The following SHROOM3 variants were observed in gnomAD, a reference collection of about 807,000 sequenced individuals.
The protein encoded by SHROOM3 is shroom family member 3.
SHROOM3 carries 47 observed loss-of-function variants against 138.6 expected under a neutral mutation model. The ratio of observed to expected loss-of-function variants is 0.34; its 90% CI spans 0.27 to 0.43. SHROOM3 has a LOEUF of 0.43. SHROOM3 is among the 20% of genes least tolerant of loss of function. The pLI, the probability that SHROOM3 is intolerant of heterozygous loss-of-function variation, is 1.00. For synonymous variants in SHROOM3, 1,062 were observed against 1,063.3 expected (o/e 1.00, Z 0.02); for missense variants, 2,491 against 2,596.5 (o/e 0.96, Z 0.88).
At chr4:76,500,092 C>A (rs1333463152) in intron 1 of SHROOM3, among the ~76,000 whole-genome samples, 1 of 152,190 alleles carries the variant, frequency 6.6e-6, no homozygotes, top group African/African-American at 2.4e-5. Flanking sequence ...TTCAGGTCAT[C>A]TGACTTCAGA....
intron 2 of SHROOM3, among the ~76,000 whole-genome samples, chr4:76,617,130 A>C (rs1201629043): frequency 6.6e-6 from 1 of 152,238 alleles, no homozygotes; most frequent in East Asian, 1.9e-4. Flanking sequence ...CAGGGCCAGA[A>C]TCCTGGGTTC....
intron 2 of SHROOM3, among the ~76,000 whole-genome samples, chr4:76,606,452 G>A (rs1734624541): frequency 6.6e-6 from 1 of 150,614 alleles, no homozygotes; most frequent in Non-Finnish European, 1.5e-5. Context: ...GCTCACACCT[G>A]TAATCCCAGC....
chr4:76,646,136 G>T (rs1735808939), intron 2 of SHROOM3, among the ~76,000 whole-genome samples: 1 of 150,332 alleles, frequency 6.7e-6, no homozygotes, highest in South Asian at 2.1e-4. Context: ...GAGTTAACGG[G>T]TGCAGCACAC....
intron 3 of SHROOM3, among the ~76,000 whole-genome samples, chr4:76,718,679 C>T (rs1026870047): frequency 6.6e-6 from 1 of 152,058 alleles, no homozygotes; most frequent in African/African-American, 2.4e-5. Context: ...AGACTTACTC[C>T]AAAAGAGAAT....
intron 4 of SHROOM3, among the ~76,000 whole-genome samples, chr4:76,734,660 G>A (rs1212046482): frequency 1.3e-5 from 2 of 151,964 alleles, no homozygotes; most frequent in Non-Finnish European, 2.9e-5. Flanking sequence ...ACAGGCGTGA[G>A]CCACCGTACC....
At chr4:76,714,900 A>T (rs1720328251) in intron 3 of SHROOM3, among the ~76,000 whole-genome samples, 1 of 151,998 alleles carries the variant, frequency 6.6e-6, no homozygotes, top group South Asian at 2.1e-4. Context: ...GTTCAAATGG[A>T]TCTAGTTTTG....
At chr4:76,728,016 A>G (rs552357236) in intron 3 of SHROOM3, among the ~76,000 whole-genome samples, 27 of 152,072 alleles carry the variant, frequency 1.8e-4, no homozygotes, top group Middle Eastern at 6.8e-3. Flanking sequence ...TGCAAGAAAA[A>G]TAATAATTAG....
At position 76,754,789 on chromosome 4, in the gene SHROOM3, G is replaced by A. The variant is rs765961751; in HGVS notation, c.4306G>A (p.Ala1436Thr). 9.9e-6 allele frequency: 16 copies of A among 1,614,048 alleles called. No individual in the cohort carries two copies. The highest frequency in any genetic ancestry group is 1.6e-4 in the Middle Eastern group (1 of 6,084). Residue 1436 changes from alanine (A) to threonine (T), a missense_variant, in exon 7 of 11, where the codon GCA becomes ACA. Ala to Thr is a moderately conservative substitution (Grantham distance 58, BLOSUM62 0). Transcript: ENST00000296043. ...PPPSRAKWAH[A>T]AREDSLPEES... ...TCCTTCTCGAGCAAAGTGGGCCCAC[G>A]CAGCCAGAGAGGACAGCCTTCCTGA...
chr4:76,757,724 A>G (rs1178402536), intron 8 of SHROOM3, among the ~76,000 whole-genome samples: 1 of 152,144 alleles, frequency 6.6e-6, no homozygotes, highest in Non-Finnish European at 1.5e-5. Flanking sequence ...CAGCCATGTA[A>G]CACGTGTCCC....
intron 2 of SHROOM3, among the ~76,000 whole-genome samples, chr4:76,667,966 C>CAAAAAA (rs747974205): frequency 0.028 from 1,741 of 62,446 alleles, 184 homozygotes; most frequent in Middle Eastern, 0.057. Context: ...GACTCCCTCT[C>CAAAAAA]AAAAAAAAAA....
chr4:76,753,262 G>A (rs1721690918), intron 6 of SHROOM3, among the ~76,000 whole-genome samples: 1 of 152,198 alleles, frequency 6.6e-6, no homozygotes, highest in East Asian at 1.9e-4. Context: ...GTATAATAAA[G>A]GAAAAATAAA....
At chr4:76,504,933 G>A (rs112710172) in intron 1 of SHROOM3, among the ~76,000 whole-genome samples, 87 of 152,308 alleles carry the variant, frequency 5.7e-4, no homozygotes, top group African/African-American at 1.8e-3. Flanking sequence ...GACCCAAGTT[G>A]CAGGTGTACC....
rs925468552 is a variant in SHROOM3 at position 76,545,306 on chromosome 4, A to G, written c.169-10303A>G. ...GGAGTTGAGTGGCTGAAGATGCTTC[A>G]GTGAAGCTTGATGTTTATCCTACCC... is the stretch of plus-strand genomic sequence containing the variant. On this transcript the variant is annotated intron_variant, in intron 1 of 10. Transcript: ENST00000296043. Among the ~76,000 whole-genome samples, 8 of 152,300 alleles carry G rather than the reference A, an allele frequency of 5.3e-5. No homozygotes were observed. In the South Asian group the frequency reaches 6.2e-4, roughly 12 times the overall value.
Position 76,633,391 on chromosome 4 carries a change from G to A in SHROOM3, c.324-76765G>A, listed in dbSNP as rs140573560. 3.1e-4 allele frequency among the ~76,000 whole-genome samples: 47 copies of A among 150,836 alleles called. No individual in the cohort carries two copies. In the East Asian group the frequency reaches 8.4e-3, roughly 27 times the overall value. ...GGAAAAGAAATCTTGTTAACTGGCC[G>A]GGCGTGGTGGCTCACGCCTGTAATC... On this transcript the variant is annotated intron_variant, in intron 2 of 10. Coordinates refer to ENST00000296043, the MANE Select transcript of SHROOM3 (RefSeq NM_020859.4).
intron 1 of SHROOM3, among the ~76,000 whole-genome samples, chr4:76,472,895 A>G (rs767855415): frequency 3.9e-5 from 6 of 152,152 alleles, no homozygotes; most frequent in Non-Finnish European, 7.3e-5. Context: ...GAGTTTCACC[A>G]TATTGGCCAG....
chr4:76,447,641 T>G (rs1388238998), intron 1 of SHROOM3, among the ~76,000 whole-genome samples: 1 of 152,212 alleles, frequency 6.6e-6, no homozygotes, highest in South Asian at 2.1e-4. Context: ...TTTTGTTTAT[T>G]TTTTATATTT....
intron 9 of SHROOM3, among the ~76,000 whole-genome samples, chr4:76,762,813 T>C (rs1362130950): frequency 2.0e-5 from 3 of 152,190 alleles, no homozygotes; most frequent in Non-Finnish European, 2.9e-5. Context: ...CACTACATTA[T>C]TGGTCTTCTG....
chr4:76,480,763 C>T (rs762164201), intron 1 of SHROOM3, among the ~76,000 whole-genome samples: 8 of 152,072 alleles, frequency 5.3e-5, no homozygotes, highest in South Asian at 2.1e-4. Flanking sequence ...TGCAAAAGAA[C>T]GGAAATCATA....
chr4:76,456,671 A>C (rs1371581780), intron 1 of SHROOM3, among the ~76,000 whole-genome samples: 1 of 152,218 alleles, frequency 6.6e-6, no homozygotes, highest in Non-Finnish European at 1.5e-5. Flanking sequence ...ATAATGATGC[A>C]GATTATCGAT....
Sources: allele counts gnomAD v4.1 joint callset (sites outside exome capture counted in the v4.1 genomes callset), GRCh38; gene constraint gnomAD v4.1.1; transcripts MANE v1.5; gene names NCBI Gene and HGNC (gene_info 2026-07-23, HGNC 2026-07-21).